AHCYL2: variants seen among roughly 807,000 people sequenced by gnomAD.
The protein encoded by AHCYL2 is S-adenosylhomocysteine hydrolase-like protein 2.
A neutral mutation model predicts 81.4 loss-of-function variants in AHCYL2; 28 were observed. That is an observed-to-expected ratio of 0.34 (90% CI 0.25 to 0.47). AHCYL2 has a LOEUF of 0.47. Ranked by LOEUF, AHCYL2 falls within the 20% of genes least tolerant of loss-of-function variation. AHCYL2 has a pLI of 1.00. For missense variants in AHCYL2, 551 were observed against 785.1 expected, an observed-to-expected ratio of 0.70 and a Z score of 3.56; for synonymous variants, 272 against 290.2, an observed-to-expected ratio of 0.94 and a Z score of 0.64.
chr7:129,329,550 T>C (rs1798345103), intron 1 of AHCYL2, among the ~76,000 whole-genome samples: 1 of 152,212 alleles, frequency 6.6e-6, no homozygotes, highest in African/African-American at 2.4e-5. Context: ...ATCATGAATA[T>C]GGATGTGATA....
chr7:129,354,835 C>T lies in AHCYL2; in HGVS notation c.364-24803C>T, dbSNP rs1019945033. 1.1e-4 allele frequency among the ~76,000 whole-genome samples: 17 copies of T among 152,080 alleles called. No individual in the cohort carries two copies. In the South Asian group the frequency reaches 1.9e-3, roughly 17 times the overall value. On this transcript the variant is annotated intron_variant, in intron 1 of 16. Transcript: ENST00000325006. Reference sequence around the variant, plus strand: ...CCTCACAGAAGGGATTTATAGCTCCCGTAGGAAATAATTGGCTCATGACCT... The same window carrying T: ...CCTCACAGAAGGGATTTATAGCTCCTGTAGGAAATAATTGGCTCATGACCT...
chr7:129,279,768 G>T (rs968213773), intron 1 of AHCYL2, among the ~76,000 whole-genome samples: 8 of 152,164 alleles, frequency 5.3e-5, no homozygotes, highest in African/African-American at 1.9e-4. Context: ...ACAACTAAGG[G>T]GTCCCCTTCC....
At chr7:129,227,025 A>G (rs1437743009) in intron 1 of AHCYL2, among the ~76,000 whole-genome samples, 1 of 152,244 alleles carries the variant, frequency 6.6e-6, no homozygotes, top group Non-Finnish European at 1.5e-5. Context: ...CTTTTAGAGC[A>G]TGAAGTTTAC....
chr7:129,246,086 T>G (rs1795046351), intron 1 of AHCYL2, among the ~76,000 whole-genome samples: 2 of 150,276 alleles, frequency 1.3e-5, no homozygotes, highest in African/African-American at 2.5e-5. Flanking sequence ...TGAGACGGAG[T>G]TTCACTCTTG....
intron 2 of AHCYL2, among the ~76,000 whole-genome samples, chr7:129,381,257 C>G (rs1794941842): frequency 6.6e-6 from 1 of 152,112 alleles, no homozygotes; most frequent in South Asian, 2.1e-4. Context: ...ACTAGATATA[C>G]ATATCCAACT....
chr7:129,414,090 G>A (rs1331989393), intron 12 of AHCYL2, among the ~76,000 whole-genome samples: 1 of 152,156 alleles, frequency 6.6e-6, no homozygotes, highest in African/African-American at 2.4e-5. Flanking sequence ...AAGTAGGTTG[G>A]TCCAAGGAAA....
intron 1 of AHCYL2, among the ~76,000 whole-genome samples, chr7:129,363,357 C>T (rs985845043): frequency 4.6e-5 from 7 of 152,058 alleles, no homozygotes; most frequent in African/African-American, 1.4e-4. Flanking sequence ...CAGTCTTTGT[C>T]AGTTAATAGG....
chr7:129,290,273 G>A (rs1230304728), intron 1 of AHCYL2, among the ~76,000 whole-genome samples: 1 of 152,038 alleles, frequency 6.6e-6, no homozygotes, highest in African/African-American at 2.4e-5. Context: ...GGAGGCCAAG[G>A]CGGGCGGATC....
chr7:129,314,302 CTAAT>C (rs1481531201), intron 1 of AHCYL2, among the ~76,000 whole-genome samples: 1 of 152,142 alleles, frequency 6.6e-6, no homozygotes, highest in African/African-American at 2.4e-5. Context: ...TTATTCATTT[CTAAT>C]TAATCTTTTA....
intron 1 of AHCYL2, among the ~76,000 whole-genome samples, chr7:129,314,316 A>G (rs1439475290): frequency 1.3e-5 from 2 of 152,086 alleles, no homozygotes; most frequent in African/African-American, 4.8e-5. Context: ...TTAATCTTTT[A>G]TTATATGATT....
chr7:129,262,249 G>C (rs1248902392), intron 1 of AHCYL2, among the ~76,000 whole-genome samples: 3 of 152,120 alleles, frequency 2.0e-5, no homozygotes, highest in Non-Finnish European at 2.9e-5. Flanking sequence ...TACTTTGAGG[G>C]TTAGAAAAAT....
At chr7:129,383,734 C>T (rs752843872) in intron 2 of AHCYL2, among the ~76,000 whole-genome samples, 9 of 152,094 alleles carry the variant, frequency 5.9e-5, no homozygotes, top group Non-Finnish European at 1.0e-4. Flanking sequence ...CCTTACTAGC[C>T]TCCTACTGTT....
intron 1 of AHCYL2, among the ~76,000 whole-genome samples, chr7:129,335,728 A>G (rs924781065): frequency 2.0e-5 from 3 of 152,156 alleles, no homozygotes; most frequent in African/African-American, 4.8e-5. Context: ...GATGGTCTCA[A>G]GATAGTCAGG....
intron 1 of AHCYL2, among the ~76,000 whole-genome samples, chr7:129,272,515 G>C (rs991069260): frequency 6.6e-6 from 1 of 152,186 alleles, no homozygotes; most frequent in Non-Finnish European, 1.5e-5. Flanking sequence ...TTTGGAATTT[G>C]GTGAGGGTTA....
At chr7:129,364,263 C>A (rs1413365074) in intron 1 of AHCYL2, among the ~76,000 whole-genome samples, 2 of 152,026 alleles carry the variant, frequency 1.3e-5, no homozygotes, top group African/African-American at 2.4e-5. Flanking sequence ...TAATTTTTTT[C>A]TTTTACCTTA....
At chr7:129,301,770 A>G (rs1159590578) in intron 1 of AHCYL2, among the ~76,000 whole-genome samples, 1 of 152,130 alleles carries the variant, frequency 6.6e-6, no homozygotes, top group Non-Finnish European at 1.5e-5. Flanking sequence ...GTAGCTCTGT[A>G]GTATAATTTG....
At chr7:129,372,628 C>T (rs1262528585) in intron 1 of AHCYL2, among the ~76,000 whole-genome samples, 2 of 151,826 alleles carry the variant, frequency 1.3e-5, no homozygotes, top group Non-Finnish European at 2.9e-5. Flanking sequence ...CCCAACATGG[C>T]GAAACCCCAT....
chr7:129,275,863 A>G (rs1169652836), intron 1 of AHCYL2, among the ~76,000 whole-genome samples: 2 of 152,164 alleles, frequency 1.3e-5, no homozygotes, highest in African/African-American at 4.8e-5. Flanking sequence ...AGATAACAGA[A>G]GATTTGAACA....
At position 129,393,672 on chromosome 7, in the gene AHCYL2, C is replaced by G. The variant is rs79602084; in HGVS notation, c.721-3550C>G. 3.8e-3 allele frequency among the ~76,000 whole-genome samples: 583 copies of G among 152,182 alleles called. 18 individuals are homozygous for G. In the South Asian group the frequency reaches 0.051, roughly 13 times the overall value. ...GACTTCTTTTGTCTTTTGATATATCCCTTTCATTCTTTGAACATTTCCTTG... is the reference window on the plus strand; with the variant it reads ...GACTTCTTTTGTCTTTTGATATATCGCTTTCATTCTTTGAACATTTCCTTG... On this transcript the variant is annotated intron_variant, in intron 4 of 16. Transcript: ENST00000325006.
Sources: gnomAD v4.1 joint callset for allele counts (sites outside exome capture counted in the v4.1 genomes callset) on GRCh38, gnomAD v4.1.1 for gene constraint, MANE v1.5 for transcripts, NCBI Gene and HGNC (gene_info 2026-07-23, HGNC 2026-07-21) for gene names.